Variants in PIEZO2 observed in about 807,000 individuals in gnomAD.
PIEZO2 encodes piezo-type mechanosensitive ion channel component 2.
Under a neutral mutation model 337.3 loss-of-function variants are expected in PIEZO2, and 172 were observed. The observed-to-expected ratio is 0.51, with a 90% CI of 0.45 to 0.58. The LOEUF is 0.58. Among genes scored for constraint, PIEZO2 ranks in the 20% least tolerant of loss-of-function variants. The pLI is 0.00. For missense variants in PIEZO2, 3,028 were observed against 3,391.3 expected, an observed-to-expected ratio of 0.89 and a Z score of 2.66; for synonymous variants, 1,251 against 1,228.5, an observed-to-expected ratio of 1.02 and a Z score of -0.38.
intron 3 of PIEZO2, among the ~76,000 whole-genome samples, chr18:10,975,946 T>A (rs2034426435): frequency 1.3e-5 from 2 of 152,200 alleles, no homozygotes; most frequent in Non-Finnish European, 2.9e-5. Context: ...TTATTTGAAC[T>A]TTTGCTATGT....
rs896496492 is a variant in PIEZO2, at chr18:10,894,886, G to A, written c.329+16300C>T. The A allele has an allele frequency of 6.6e-6, 1 of 152,240 alleles. No individual in the cohort carries two copies. Among genetic ancestry groups the A allele is most frequent in the Non-Finnish European group, 1.5e-5 (1 of 68,054 alleles). The allele number at this position is 152,240 out of a possible 1,614,324, so 9.4% of individuals were successfully genotyped here. A position where few individuals can be genotyped will look rare whatever the true frequency, so the allele number is the denominator to read the frequency against. ...ATCTGAGGAGGGAAGAATTGAAGTT[G>A]CTGTAGACCCGTATAGATTCGCTGC... On this transcript the variant is annotated intron_variant, in intron 4 of 55. Transcript: ENST00000674853. The surrounding 1 kb of genome is among the most constrained non-coding windows in gnomAD (Gnocchi z 4.1).
At chr18:10,691,138 C>A in intron 48 of PIEZO2, 87 bp downstream of exon 48, 4 of 1,427,202 alleles carry the variant, frequency 2.8e-6, no homozygotes, top group Non-Finnish European at 3.9e-6. Flanking sequence ...TTCATCCTCT[C>A]CCCCTTACTT....
rs192478634 is a variant in PIEZO2 at position 10,789,068 on chromosome 18, T to C, written c.2169+11A>G. ...AGATGTGAGAATTAAAATGGTCAAC[T>C]GTGTACCTACCTGGTATAGGGCCAC... is the stretch of plus-strand genomic sequence containing the variant. On this transcript the variant is annotated intron_variant, in intron 15 of 55. Coordinates refer to ENST00000674853, the MANE Select transcript of PIEZO2 (RefSeq NM_001378183.1). 3.3e-5 allele frequency: 50 copies of C among 1,533,656 alleles called. No homozygotes were observed. The East Asian group carries it at 1.1e-3, about 35-fold the overall frequency.
intron 22 of PIEZO2, 103 bp from the exon 23 acceptor site, chr18:10,762,728 G>C (rs987582877): frequency 2.1e-6 from 3 of 1,401,584 alleles, no homozygotes; most frequent in Non-Finnish European, 2.9e-6. Flanking sequence ...TGGTAGGATG[G>C]GAGGGACAGG....
At chr18:11,090,966 G>T (rs371616805) in intron 1 of PIEZO2, among the ~76,000 whole-genome samples, 1 of 151,054 alleles carries the variant, frequency 6.6e-6, no homozygotes, top group African/African-American at 2.4e-5. Flanking sequence ...TTAAAAAGCG[G>T]CACTGTACAT....
chr18:10,961,372 A>G (rs2145378976), intron 3 of PIEZO2, among the ~76,000 whole-genome samples: 1 of 147,312 alleles, frequency 6.8e-6, no homozygotes. Context: ...TGAGGACGCA[A>G]AGGCATAAGA....
Position 10,815,353 on chromosome 18 carries a change from G to A in PIEZO2, c.918-8079C>T, listed in dbSNP as rs990702421. ...GAGCCCTGCCTGAATGATTACCTAC[G>A]TGACCCTGAGTAGGACATTTAACCA... On this transcript the variant is annotated intron_variant, in intron 7 of 55. Coordinates refer to ENST00000674853, the MANE Select transcript of PIEZO2 (RefSeq NM_001378183.1). This position sits in a 1 kb window ranked among gnomAD's most constrained non-coding sequence, Gnocchi z 4.1. Among the ~76,000 whole-genome samples, 1 of 152,096 alleles carries A rather than the reference G, an allele frequency of 6.6e-6. No individual in the cohort carries two copies. Among genetic ancestry groups the A allele is most frequent in the African/African-American group, 2.4e-5 (1 of 41,410 alleles).
chr18:10,954,282 T>C lies in PIEZO2; in HGVS notation c.286+25253A>G, dbSNP rs990949390. ...ATCAGTTTAGAGAGAAAGGACATTT[T>C]AACAACAGTGAGTCTTCCAATCCAT... On this transcript the variant is annotated intron_variant, in intron 3 of 55. Coordinates refer to ENST00000674853, the MANE Select transcript of PIEZO2 (RefSeq NM_001378183.1). This position sits in a 1 kb window ranked among gnomAD's most constrained non-coding sequence, Gnocchi z 4.2. 6.6e-6 allele frequency among the ~76,000 whole-genome samples: 1 copy of C among 152,236 alleles called. No homozygotes were observed. Among genetic ancestry groups the C allele is most frequent in the African/African-American group, 2.4e-5 (1 of 41,460 alleles).
At chr18:10,879,418 C>CG (rs1568158161) in intron 4 of PIEZO2, among the ~76,000 whole-genome samples, 1 of 92,738 alleles carries the variant, frequency 1.1e-5, no homozygotes, top group African/African-American at 4.5e-5. Flanking sequence ...TTTTTTGAGA[C>CG]GGAGTCTTGC....
intron 3 of PIEZO2, among the ~76,000 whole-genome samples, chr18:10,959,854 T>C (rs2033691131): frequency 6.6e-6 from 1 of 152,192 alleles, no homozygotes; most frequent in South Asian, 2.1e-4. Flanking sequence ...CATTTTTATG[T>C]TAGTAAATCT....
chr18:11,084,779 C>T (rs1598934914), intron 1 of PIEZO2, among the ~76,000 whole-genome samples: 3 of 152,212 alleles, frequency 2.0e-5, no homozygotes, highest in Admixed American at 6.5e-5. Context: ...GTTTGAGACA[C>T]GACAGAAGGA....
intron 15 of PIEZO2, 77 bp from the exon 16 acceptor site, chr18:10,787,261 T>C: frequency 1.5e-6 from 2 of 1,316,064 alleles, no homozygotes; most frequent in Non-Finnish European, 2.0e-6. Context: ...TTGGTTTAAT[T>C]CAAGTAAGAC....
intron 17 of PIEZO2, among the ~76,000 whole-genome samples, chr18:10,782,688 C>T (rs1290271656): frequency 6.6e-6 from 1 of 151,040 alleles, no homozygotes; most frequent in African/African-American, 2.4e-5. Flanking sequence ...GCAAGGAAGG[C>T]AAGTCAGGAC....
chr18:10,860,591 T>G (rs1245488352), intron 5 of PIEZO2, among the ~76,000 whole-genome samples: 1 of 152,108 alleles, frequency 6.6e-6, no homozygotes, highest in Non-Finnish European at 1.5e-5. Context: ...TCACAACAGG[T>G]GAGCAACACA....
Position 10,809,260 on chromosome 18 carries a change from C to CTTTTTTTTTTTTTTTTTT in PIEZO2, c.918-2004_918-1987dup, listed in dbSNP as rs869210659. 2.0e-4 allele frequency among the ~76,000 whole-genome samples: 13 copies of CTTTTTTTTTTTTTTTTTT among 65,834 alleles called. 2 individuals carry two copies. The highest frequency in any genetic ancestry group is 7.6e-4 in the African/African-American group (13 of 17,000). 43.2% of individuals were successfully genotyped at this position (65,834 alleles called of 152,430 possible). A position where few individuals can be genotyped will look rare whatever the true frequency, so the allele number is the denominator to read the frequency against. On this transcript the variant is annotated intron_variant, in intron 7 of 55. Coordinates refer to ENST00000674853, the MANE Select transcript of PIEZO2 (RefSeq NM_001378183.1). ...ACCTAAGATTTCTCTCTCTCTCTCT[C>CTTTTTTTTTTTTTTTTTT]TTTTTTTTTTTTTTTTTTTTTTTTT...
rs772217543 is a variant in PIEZO2 at position 10,672,618 on chromosome 18, G to A, written c.8345+72C>T. 65 of 1,495,506 alleles carry A rather than the reference G, an allele frequency of 4.3e-5. No homozygotes were observed. Among genetic ancestry groups the A allele is most frequent in the Non-Finnish European group, 5.7e-5 (63 of 1,101,068 alleles). 92.6% of individuals were successfully genotyped at this position (1,495,506 alleles called of 1,614,324 possible). A position where few individuals can be genotyped will look rare whatever the true frequency, so the allele number is the denominator to read the frequency against. Reference sequence around the variant, plus strand: ...TTAGCGAATTCTAAGAAGATAAAAGGCTTCCCACTCTCAACTTTACATGAT... The same window carrying A: ...TTAGCGAATTCTAAGAAGATAAAAGACTTCCCACTCTCAACTTTACATGAT... On this transcript the variant is annotated intron_variant, in intron 55 of 55. Coordinates refer to ENST00000674853, the MANE Select transcript of PIEZO2 (RefSeq NM_001378183.1). This position sits in a 1 kb window ranked among gnomAD's most constrained non-coding sequence, Gnocchi z 4.7.
At chr18:10,842,127 C>T (rs1332441632) in intron 7 of PIEZO2, among the ~76,000 whole-genome samples, 4 of 139,510 alleles carry the variant, frequency 2.9e-5, no homozygotes, top group Non-Finnish European at 3.0e-5. Flanking sequence ...CCAGCCTGGG[C>T]GACAAAGCGA....
intron 3 of PIEZO2, among the ~76,000 whole-genome samples, chr18:10,975,761 G>A (rs1242098527): frequency 1.3e-5 from 2 of 152,190 alleles, no homozygotes; most frequent in East Asian, 3.8e-4. Context: ...GGGGAAAGAA[G>A]TTGTTAGGAA....
intron 2 of PIEZO2, among the ~76,000 whole-genome samples, chr18:10,995,166 T>C (rs2035274694): frequency 6.6e-6 from 1 of 152,050 alleles, no homozygotes; most frequent in South Asian, 2.1e-4. Context: ...ACTATGGCCA[T>C]TCTTTCAGGA....
Sources: gnomAD v4.1 joint callset for allele counts (sites outside exome capture counted in the v4.1 genomes callset) on GRCh38, gnomAD v4.1.1 for gene constraint, Gnocchi (gnomAD v3.1) non-coding constraint, MANE v1.5 for transcripts, NCBI Gene and HGNC (gene_info 2026-07-23, HGNC 2026-07-21) for gene names.